Variants in KCNAB2 observed in about 807,000 individuals in gnomAD.
KCNAB2 encodes voltage-gated potassium channel subunit beta-2.
KCNAB2 carries 29 observed loss-of-function variants against 63.6 expected under a neutral mutation model. That is an observed-to-expected ratio of 0.46 (90% CI 0.34 to 0.62). The LOEUF is 0.62. KCNAB2 is among the 20% of genes least tolerant of loss of function. The pLI is 0.01. For synonymous variants in KCNAB2, 222 were observed against 224.2 expected (o/e 0.99, Z 0.09); for missense variants, 359 against 563.9 (o/e 0.64, Z 3.68).
chr1:6,057,899 C>T (rs1044039864), intron 2 of KCNAB2, among the ~76,000 whole-genome samples: 5 of 152,156 alleles, frequency 3.3e-5, no homozygotes, highest in Admixed American at 2.0e-4. Flanking sequence ...GCTTATAATC[C>T]CAGCATCTTG....
At chr1:6,080,135 G>A (rs1174296077) in intron 4 of KCNAB2, among the ~76,000 whole-genome samples, 7 of 152,206 alleles carry the variant, frequency 4.6e-5, no homozygotes, top group African/African-American at 7.2e-5. Context: ...TGCCAGGAGC[G>A]TGAGTGCCCT....
upstream of KCNAB2, among the ~76,000 whole-genome samples, chr1:6,030,684 TTGTGTGTATGTG>T (rs1361788282): frequency 2.0e-5 from 3 of 146,746 alleles, 1 homozygote; most frequent in South Asian, 6.5e-4. Context: ...GTATGTGTGT[TTGTGTGTATGTG>T]TGTGTGTATG....
intron 1 of KCNAB2, among the ~76,000 whole-genome samples, chr1:6,047,781 G>A (rs1661051746): frequency 6.6e-6 from 1 of 152,314 alleles, no homozygotes; most frequent in Non-Finnish European, 1.5e-5. Flanking sequence ...ACCTTCAGGG[G>A]AGTCCAGCGG....
rs758560976 is a variant in KCNAB2 at position 6,096,858 on chromosome 1, G to C, written c.1069+102G>C. 10 of 1,384,282 alleles carry C rather than the reference G, an allele frequency of 7.2e-6. No individual in the cohort carries two copies. Among genetic ancestry groups the C allele is most frequent in the Non-Finnish European group, 4.8e-6 (5 of 1,043,932 alleles). The allele number at this position is 1,384,282 out of a possible 1,614,324, so 85.7% of individuals were successfully genotyped here. A position where few individuals can be genotyped will look rare whatever the true frequency, so the allele number is the denominator to read the frequency against. On this transcript the variant is annotated intron_variant, in intron 14 of 15. Coordinates refer to ENST00000378083, the MANE Select transcript of KCNAB2 (RefSeq NM_001199862.2). This position sits in a 1 kb window ranked among gnomAD's most constrained non-coding sequence, Gnocchi z 5.9. ...TTGCCATGGGGCCAGTGTCTCCGGG[G>C]AGAGAGGGAAGGGATCCCTGGACAT...
chr1:6,018,184 G>A (rs1015234950), intron 1 of KCNAB2, among the ~76,000 whole-genome samples: 8 of 150,404 alleles, frequency 5.3e-5, no homozygotes, highest in African/African-American at 1.7e-4. Flanking sequence ...TCCCACCACA[G>A]CCTCCCAATC....
chr1:6,088,234 T>C (rs1446750713), intron 7 of KCNAB2, among the ~76,000 whole-genome samples: 6 of 31,558 alleles, frequency 1.9e-4, no homozygotes, highest in Non-Finnish European at 3.6e-4. Context: ...CTCTCTCTCT[T>C]TTTTTTTTTT....
intron 1 of KCNAB2, among the ~76,000 whole-genome samples, chr1:6,021,385 G>T (rs1352815960): frequency 2.6e-5 from 4 of 152,190 alleles, no homozygotes; most frequent in Admixed American, 6.5e-5. Context: ...TGATGCAGAA[G>T]TTTCTTTTTC....
At chr1:6,085,887 C>T (rs1018075245) in intron 6 of KCNAB2, 3 of 986,490 alleles carry the variant, frequency 3.0e-6, no homozygotes, top group Middle Eastern at 5.2e-4. Context: ...ACGTGTCACA[C>T]TCCTCTGGGA....
At chr1:6,026,581 C>T in intron 1 of KCNAB2, 1 of 152,606 alleles carries the variant, frequency 6.6e-6, no homozygotes, top group Non-Finnish European at 1.5e-5. Context: ...AACCCCTGAG[C>T]CCCGCATGCC....
rs1318504227 is a variant in KCNAB2 at position 5,994,587 on chromosome 1, G to A, written c.-53+1799G>A. On this transcript the variant is annotated intron_variant, in intron 1 of 16. Transcript: ENST00000341524. This position sits in a 1 kb window ranked among gnomAD's most constrained non-coding sequence, Gnocchi z 5.4. ...TTGTAGGTGCTAGTCAACACCTGGG[G>A]GCTGAGCCAGGCACTGGAGTTGGGG... 2.6e-5 allele frequency among the ~76,000 whole-genome samples: 4 copies of A among 152,188 alleles called. No homozygotes were observed. Among genetic ancestry groups the A allele is most frequent in the South Asian group, 2.1e-4 (1 of 4,836 alleles).
At chr1:6,072,851 C>A in intron 3 of KCNAB2, 53 bp downstream of exon 3, 4 of 1,575,098 alleles carry the variant, frequency 2.5e-6, no homozygotes, top group Non-Finnish European at 3.5e-6. Flanking sequence ...GTGGGGAGGC[C>A]GGGCATGGAC....
Position 6,003,932 on chromosome 1 carries a change from C to T in KCNAB2, c.-53+11144C>T, listed in dbSNP as rs748059518. 2.1e-4 allele frequency among the ~76,000 whole-genome samples: 32 copies of T among 152,172 alleles called. No individual in the cohort carries two copies. The highest frequency in any genetic ancestry group is 7.0e-4 in the African/African-American group (29 of 41,420). On this transcript the variant is annotated intron_variant, in intron 1 of 16. Transcript: ENST00000341524. The surrounding 1 kb of genome is among the most constrained non-coding windows in gnomAD (Gnocchi z 4.1). The stretch of plus-strand genomic sequence containing the variant: ...GTAAAGCTGCCTTTCAAATTGCTGC[C>T]GCAGCGCTGCCTGGCAAGATGTTAA...
At chr1:6,064,055 C>T (rs1010304130) in intron 2 of KCNAB2, among the ~76,000 whole-genome samples, 16 of 152,150 alleles carry the variant, frequency 1.1e-4, no homozygotes, top group Admixed American at 5.2e-4. Context: ...TTGTGGGATC[C>T]GATGTTGCCA....
intron 2 of KCNAB2, among the ~76,000 whole-genome samples, chr1:6,060,490 G>C (rs1275232881): frequency 6.6e-6 from 1 of 152,142 alleles, no homozygotes. Flanking sequence ...GCCCTTCCTT[G>C]GGCAAGAAGC....
At chr1:6,019,668 A>C (rs1658710363) in intron 1 of KCNAB2, among the ~76,000 whole-genome samples, 1 of 152,192 alleles carries the variant, frequency 6.6e-6, no homozygotes, top group African/African-American at 2.4e-5. Flanking sequence ...CACCAACCCG[A>C]GGCTGGCCTG....
intron 1 of KCNAB2, among the ~76,000 whole-genome samples, chr1:5,998,025 C>T (rs142547349): frequency 1.6e-3 from 248 of 152,216 alleles, no homozygotes; most frequent in African/African-American, 5.8e-3. Context: ...GAAGGAGAGA[C>T]GGGGGCAGTG....
intron 4 of KCNAB2, among the ~76,000 whole-genome samples, chr1:6,080,852 G>A (rs1442202415): frequency 2.6e-5 from 4 of 152,218 alleles, no homozygotes; most frequent in African/African-American, 4.8e-5. Flanking sequence ...AAGGAGAGAC[G>A]CAGCCCTGTG....
chr1:6,030,920 G>T (rs1557427546), upstream of KCNAB2, among the ~76,000 whole-genome samples: 1 of 118,892 alleles, frequency 8.4e-6, no homozygotes, highest in Non-Finnish European at 1.8e-5. Flanking sequence ...ATGTTTGTAT[G>T]TGTAGGGGTG....
At chr1:6,081,577 T>G (rs999960538) in intron 4 of KCNAB2, among the ~76,000 whole-genome samples, 5 of 151,926 alleles carry the variant, frequency 3.3e-5, no homozygotes, top group African/African-American at 1.2e-4. Context: ...GATACCAAGG[T>G]GTTGGCAGGG....
Sources: allele counts gnomAD v4.1 joint callset (sites outside exome capture counted in the v4.1 genomes callset), GRCh38; gene constraint gnomAD v4.1.1; non-coding constraint Gnocchi (gnomAD v3.1); transcripts MANE v1.5; gene names NCBI Gene and HGNC (gene_info 2026-07-23, HGNC 2026-07-21).